The following CSMD1 variants were observed in gnomAD, a reference collection of about 807,000 sequenced individuals.
CSMD1 encodes CUB and sushi domain-containing protein 1.
CSMD1 carries 213 observed loss-of-function variants against 417.5 expected under a neutral mutation model. That is an observed-to-expected ratio of 0.51 (90% confidence interval 0.46 to 0.57). The LOEUF is 0.57. CSMD1 is among the 20% of genes least tolerant of loss of function. The probability of loss-of-function intolerance (pLI) is 0.00; values close to 1 mark genes in which losing one functional copy is unlikely to be tolerated. For missense variants in CSMD1, 6,923 were observed against 4,529.7 expected, an observed-to-expected ratio of 1.53 and a Z score of -15.17; for synonymous variants, 2,862 against 1,736.8, an observed-to-expected ratio of 1.65 and a Z score of -16.11.
intron 3 of CSMD1, among the ~76,000 whole-genome samples, chr8:4,055,245 G>A (rs1309640378): frequency 6.6e-6 from 1 of 152,084 alleles, no homozygotes; most frequent in South Asian, 2.1e-4. Flanking sequence ...AGGATTACTT[G>A]CCTCAAATGA....
rs756317521 is a variant in CSMD1, at chr8:3,997,929, G to C, written c.792C>G (p.Ile264Met). 1.2e-6 allele frequency: 2 copies of C among 1,612,370 alleles called. No individual in the cohort carries two copies. Among genetic ancestry groups the C allele is most frequent in the Non-Finnish European group, 1.7e-6 (2 of 1,179,232 alleles). Residue 264 changes from isoleucine to methionine, a missense_variant, in exon 5 of 70, where the codon ATC becomes ATG. Transcript: ENST00000635120. ...ATATGGATGGAGCTTCCGTGCCACTGATCTCTAAGAAATCATATCCTTCTT... is the reference window on the plus strand; with the variant it reads ...ATATGGATGGAGCTTCCGTGCCACTCATCTCTAAGAAATCATATCCTTCTT... ...QLEEGYDFLE[I>M]SGTEAPSIWL...
chr8:4,074,396 C>T (rs1486630503), intron 3 of CSMD1, among the ~76,000 whole-genome samples: 3 of 152,062 alleles, frequency 2.0e-5, no homozygotes, highest in Non-Finnish European at 4.4e-5. Context: ...ATGTCTATCT[C>T]ATCAAGATAG....
chr8:3,201,081 A>C (rs1248252727), intron 32 of CSMD1, among the ~76,000 whole-genome samples: 1 of 152,206 alleles, frequency 6.6e-6, no homozygotes, highest in African/African-American at 2.4e-5. Flanking sequence ...TGTGATTTTA[A>C]GGGTAAGAAT....
intron 3 of CSMD1, among the ~76,000 whole-genome samples, chr8:4,263,491 G>A (rs911828468): frequency 6.6e-6 from 1 of 152,154 alleles, no homozygotes; most frequent in African/African-American, 2.4e-5. Context: ...AAATCCTGAA[G>A]CTCTGTCTGT....
At chr8:3,399,727 T>G (rs1350483596) in intron 15 of CSMD1, among the ~76,000 whole-genome samples, 198 bp from the exon 16 acceptor site, 1 of 152,216 alleles carries the variant, frequency 6.6e-6, no homozygotes, top group African/African-American at 2.4e-5. Context: ...GTACTTACCA[T>G]TACCTTGAAG....
At chr8:4,459,409 T>G (rs1462402996) in intron 2 of CSMD1, among the ~76,000 whole-genome samples, 1 of 152,190 alleles carries the variant, frequency 6.6e-6, no homozygotes, top group Non-Finnish European at 1.5e-5. Context: ...AAGCTGAGAG[T>G]GTCTCTGCCC....
At chr8:3,927,645 A>C (rs571781993) in intron 5 of CSMD1, among the ~76,000 whole-genome samples, 17 of 152,292 alleles carry the variant, frequency 1.1e-4, no homozygotes, top group Middle Eastern at 3.4e-3. Flanking sequence ...ACACTCGGCG[A>C]AAGAGTGAAA....
chr8:4,983,724 GAAC>G (rs1432794826), intron 1 of CSMD1, among the ~76,000 whole-genome samples: 14 of 151,696 alleles, frequency 9.2e-5, no homozygotes, highest in Admixed American at 9.2e-4. Flanking sequence ...AGACGGGGAA[GAAC>G]AACATTTTTT....
At chr8:4,204,616 G>C (rs946212389) in intron 3 of CSMD1, among the ~76,000 whole-genome samples, 2 of 152,112 alleles carry the variant, frequency 1.3e-5, no homozygotes, top group African/African-American at 4.8e-5. Flanking sequence ...AGTGTGTAAG[G>C]AGACAGTAGG....
intron 20 of CSMD1, among the ~76,000 whole-genome samples, chr8:3,363,588 C>T (rs1442155504): frequency 1.3e-5 from 2 of 151,926 alleles, no homozygotes; most frequent in East Asian, 1.9e-4. Flanking sequence ...AGTGCAGTGG[C>T]GCGATCTCCG....
chr8:3,025,351 CGTGTATTGTGTGGTGTTATTCTGAAACT>C lies in CSMD1; in HGVS notation c.7855+3940_7855+3967del, dbSNP rs1349767674. On this transcript the variant is annotated intron_variant, in intron 51 of 69. Coordinates refer to ENST00000635120, the MANE Select transcript of CSMD1 (RefSeq NM_033225.6). ...GTATTGTGTGCTGTTATTCTGATAC[CGTGTATTGTGTGGTGTTATTCTGAAACT>C]GTGTATTGTGTGGTGTTATTCTGAA... 3.1e-3 allele frequency among the ~76,000 whole-genome samples: 361 copies of C among 115,306 alleles called. 1 individual carries two copies. The highest frequency in any genetic ancestry group is 7.2e-3 in the Middle Eastern group (1 of 138). The allele number at this position is 115,306 out of a possible 152,430, so 75.6% of individuals were successfully genotyped here. A position where few individuals can be genotyped will look rare whatever the true frequency, so the allele number is the denominator to read the frequency against.
intron 6 of CSMD1, among the ~76,000 whole-genome samples, chr8:3,746,940 G>A (rs1326839781): frequency 6.6e-6 from 1 of 152,174 alleles, no homozygotes; most frequent in South Asian, 2.1e-4. Flanking sequence ...TTTCTGCCTG[G>A]AACAGGCCAG....
At chr8:3,031,129 A>C (rs996754050) in intron 50 of CSMD1, among the ~76,000 whole-genome samples, 1 of 152,008 alleles carries the variant, frequency 6.6e-6, no homozygotes, top group Non-Finnish European at 1.5e-5. Context: ...ACTGTTTCTG[A>C]AAAGCCCTTA....
chr8:4,219,857 C>G (rs1442660413), intron 3 of CSMD1, among the ~76,000 whole-genome samples: 1 of 152,112 alleles, frequency 6.6e-6, no homozygotes, highest in Non-Finnish European at 1.5e-5. Flanking sequence ...GTGGGGAGTG[C>G]ATAGAAAGAC....
At chr8:4,381,972 C>G (rs994834797) in intron 3 of CSMD1, among the ~76,000 whole-genome samples, 6 of 152,062 alleles carry the variant, frequency 3.9e-5, no homozygotes, top group African/African-American at 9.7e-5. Flanking sequence ...TGGACACTCT[C>G]TGTGGTAAAA....
At chr8:4,546,352 A>G (rs1797631998) in intron 2 of CSMD1, among the ~76,000 whole-genome samples, 1 of 152,150 alleles carries the variant, frequency 6.6e-6, no homozygotes, top group Admixed American at 6.5e-5. Context: ...GGTTGCCCAG[A>G]TAGCTGGTAA....
At chr8:4,582,095 T>C (rs905589787) in intron 2 of CSMD1, among the ~76,000 whole-genome samples, 1 of 152,046 alleles carries the variant, frequency 6.6e-6, no homozygotes, top group Non-Finnish European at 1.5e-5. Flanking sequence ...GTTTGTTTTG[T>C]TTTTATTATC....
intron 1 of CSMD1, among the ~76,000 whole-genome samples, chr8:4,977,916 G>A (rs1181418264): frequency 6.6e-6 from 1 of 152,212 alleles, no homozygotes; most frequent in Non-Finnish European, 1.5e-5. Context: ...ATTCGAAGGT[G>A]TCCAATACCC....
At chr8:3,798,095 T>C (rs1241021963) in intron 5 of CSMD1, among the ~76,000 whole-genome samples, 1 of 151,968 alleles carries the variant, frequency 6.6e-6, no homozygotes, top group African/African-American at 2.4e-5. Context: ...GAAGTCTTAG[T>C]GGGTTTTTTA....
Sources: gnomAD v4.1 joint callset for allele counts (sites outside exome capture counted in the v4.1 genomes callset) on GRCh38, gnomAD v4.1.1 for gene constraint, MANE v1.5 for transcripts, NCBI Gene and HGNC (gene_info 2026-07-23, HGNC 2026-07-21) for gene names.